LARGE1: variants seen among roughly 807,000 people sequenced by gnomAD.
LARGE1 encodes xylosyl- and glucuronyltransferase LARGE1.
Under a neutral mutation model 87.6 loss-of-function variants are expected in LARGE1, and 43 were observed. That is an observed-to-expected ratio of 0.49 (90% CI 0.38 to 0.63). The LOEUF (loss-of-function observed/expected upper bound fraction) is 0.63. Ranked by LOEUF, LARGE1 falls within the 30% of genes least tolerant of loss-of-function variation. The pLI is 0.00. For missense variants in LARGE1, 802 were observed against 1,000.2 expected, an observed-to-expected ratio of 0.80 and a Z score of 2.67; for synonymous variants, 434 against 394.6, an observed-to-expected ratio of 1.10 and a Z score of -1.18.
At chr22:33,259,319 A>AACACAC (rs3071499) in intron 11 of LARGE1, among the ~76,000 whole-genome samples, 5 of 145,190 alleles carry the variant, frequency 3.4e-5, no homozygotes, top group African/African-American at 1.1e-4. Flanking sequence ...TCCAAAGGGC[A>AACACAC]ACACACACAC....
In LARGE1 at chr22:33,531,755, G is replaced by A. The variant is rs565440157; in HGVS notation, c.787+33093C>T. Reference sequence around the variant, plus strand: ...TGATAGTAGACTTCAATTACCTGAAGGACTGTCACAGTACAACCAATCAGC... The same window carrying A: ...TGATAGTAGACTTCAATTACCTGAAAGACTGTCACAGTACAACCAATCAGC... On this transcript the variant is annotated intron_variant, in intron 6 of 14. Transcript: ENST00000397394. Among the ~76,000 whole-genome samples, 112 of 152,314 alleles carry A rather than the reference G, an allele frequency of 7.4e-4. 1 individual carries two copies. Among genetic ancestry groups the A allele is most frequent in the African/African-American group, 2.5e-3 (105 of 41,568 alleles).
intron 9 of LARGE1, among the ~76,000 whole-genome samples, chr22:33,355,469 G>A (rs767201920): frequency 6.6e-6 from 1 of 152,166 alleles, no homozygotes; most frequent in Non-Finnish European, 1.5e-5. Context: ...CTCAAGGATA[G>A]TTTGGATCTT....
chr22:33,490,452 C>T (rs556763698), intron 6 of LARGE1, among the ~76,000 whole-genome samples: 1 of 152,034 alleles, frequency 6.6e-6, no homozygotes, highest in South Asian at 2.1e-4. Flanking sequence ...TAGCCCAGTG[C>T]CAAGAACATG....
At chr22:33,416,124 C>G (rs2066477059) in intron 7 of LARGE1, among the ~76,000 whole-genome samples, 1 of 152,122 alleles carries the variant, frequency 6.6e-6, no homozygotes, top group Admixed American at 6.5e-5. Flanking sequence ...AAAGTCAGAC[C>G]ATAAAAACCC....
intron 1 of LARGE1, among the ~76,000 whole-genome samples, chr22:33,896,384 T>A (rs78334426): frequency 0.021 from 3,257 of 152,332 alleles, 125 homozygotes; most frequent in African/African-American, 0.075. Flanking sequence ...ATGACGCTGC[T>A]ATGAACATGA....
intron 5 of LARGE1, among the ~76,000 whole-genome samples, chr22:33,572,777 G>A (rs1249248805): frequency 1.3e-5 from 2 of 152,164 alleles, no homozygotes; most frequent in African/African-American, 2.4e-5. Context: ...GACTGAGTCA[G>A]GAGAATCCCT....
At chr22:33,131,092 A>G in the LARGE1 span, among the ~76,000 whole-genome samples, 14 of 150,934 alleles carry the variant, frequency 9.3e-5, no homozygotes, top group Non-Finnish European at 1.8e-4. Context: ...TCTGTAAGTC[A>G]TGATGCTTCA....
chr22:33,807,289 C>T (rs911739534), intron 1 of LARGE1, among the ~76,000 whole-genome samples: 1 of 152,170 alleles, frequency 6.6e-6, no homozygotes, highest in Non-Finnish European at 1.5e-5. Flanking sequence ...AATTAATCTA[C>T]ACGATTAATT....
chr22:33,458,077 GT>G (rs2068213676), intron 6 of LARGE1, among the ~76,000 whole-genome samples: 1 of 149,856 alleles, frequency 6.7e-6, no homozygotes, highest in Non-Finnish European at 1.5e-5. Context: ...CTTCATATTT[GT>G]TTAATAAATT....
At chr22:33,075,394 T>C in the LARGE1 span, among the ~76,000 whole-genome samples, 2 of 152,254 alleles carry the variant, frequency 1.3e-5, no homozygotes, top group African/African-American at 2.4e-5. Context: ...AAAAATGTAT[T>C]TGATCTTCCT....
At chr22:33,844,614 A>C (rs1204110091) in intron 1 of LARGE1, among the ~76,000 whole-genome samples, 1 of 152,064 alleles carries the variant, frequency 6.6e-6, no homozygotes, top group Non-Finnish European at 1.5e-5. Context: ...AACAGCTGCC[A>C]TGGGGTCTGG....
intron 10 of LARGE1, among the ~76,000 whole-genome samples, chr22:33,325,543 A>T (rs1221237028): frequency 2.6e-5 from 4 of 152,228 alleles, no homozygotes; most frequent in African/African-American, 9.6e-5. Flanking sequence ...GCCAATCATG[A>T]ACACCCATGT....
chr22:33,371,281 T>C (rs887478803), intron 9 of LARGE1, among the ~76,000 whole-genome samples: 2 of 152,176 alleles, frequency 1.3e-5, no homozygotes, highest in Admixed American at 6.5e-5. Context: ...AAATAAAACT[T>C]TGATAAATAA....
chr22:33,220,361 T>C (rs529945264), intron 11 of LARGE1, among the ~76,000 whole-genome samples: 1 of 152,276 alleles, frequency 6.6e-6, no homozygotes, highest in East Asian at 1.9e-4. Context: ...CTTTAGCAGT[T>C]GTTTAAAACG....
At chr22:33,407,582 T>C (rs1264392951) in intron 7 of LARGE1, among the ~76,000 whole-genome samples, 1 of 152,220 alleles carries the variant, frequency 6.6e-6, no homozygotes, top group Non-Finnish European at 1.5e-5. Context: ...TCTAAATAAC[T>C]GGGGTTTATG....
At chr22:33,887,543 T>A (rs920115396) in intron 1 of LARGE1, among the ~76,000 whole-genome samples, 1 of 151,998 alleles carries the variant, frequency 6.6e-6, no homozygotes, top group African/African-American at 2.4e-5. Context: ...TCGAGATCAG[T>A]CTGAACAACA....
chr22:33,265,465 T>C (rs1449390836), intron 11 of LARGE1, among the ~76,000 whole-genome samples: 1 of 152,000 alleles, frequency 6.6e-6, no homozygotes, highest in African/African-American at 2.4e-5. Flanking sequence ...CTTACCGTTT[T>C]AACAGGTGTT....
chr22:33,329,974 CT>C (rs1250209576), intron 10 of LARGE1, among the ~76,000 whole-genome samples: 2 of 151,580 alleles, frequency 1.3e-5, no homozygotes, highest in African/African-American at 4.9e-5. Flanking sequence ...TGGAAGGATC[CT>C]TATTTCCTTA....
chr22:33,326,192 G>A (rs774230823), intron 10 of LARGE1, among the ~76,000 whole-genome samples: 1 of 152,198 alleles, frequency 6.6e-6, no homozygotes, highest in Non-Finnish European at 1.5e-5. Context: ...GGTTCAGAGA[G>A]GGTCTGCCCA....
Sources: gnomAD v4.1 joint callset for allele counts (sites outside exome capture counted in the v4.1 genomes callset) on GRCh38, gnomAD v4.1.1 for gene constraint, MANE v1.5 for transcripts, NCBI Gene and HGNC (gene_info 2026-07-23, HGNC 2026-07-21) for gene names.